SPOCK3: variants seen among roughly 807,000 people sequenced by gnomAD.
SPOCK3 encodes SPARC (osteonectin), cwcv and kazal like domains proteoglycan 3.
Under a neutral mutation model 56.6 loss-of-function variants are expected in SPOCK3, and 30 were observed. The ratio of observed to expected loss-of-function variants is 0.53; its 90% confidence interval spans 0.40 to 0.72. The LOEUF is 0.72. SPOCK3 is among the 30% of genes least tolerant of loss of function. The pLI is 0.00. For synonymous variants in SPOCK3, 196 were observed against 183.3 expected, an observed-to-expected ratio of 1.07 and a Z score of -0.56; for missense variants, 527 against 530.0, an observed-to-expected ratio of 0.99 and a Z score of 0.06.
chr4:166,918,674 G>A (rs1169131893), intron 4 of SPOCK3, among the ~76,000 whole-genome samples: 3 of 152,068 alleles, frequency 2.0e-5, no homozygotes, highest in African/African-American at 7.2e-5. Context: ...AATACAGTGG[G>A]AGAAGTAATT....
At chr4:167,114,921 G>GA (rs150529121) in intron 2 of SPOCK3, among the ~76,000 whole-genome samples, 13,498 of 148,078 alleles carry the variant, frequency 0.091, 711 homozygotes, top group African/African-American at 0.15. Flanking sequence ...AGGACTAAGA[G>GA]AAAAAAAAAC....
Position 166,749,115 on chromosome 4 carries a change from G to C in SPOCK3, c.931+5393C>G, listed in dbSNP as rs1004734578. ...AGACATAGAACTAGAAATACCATTT[G>C]ACCCAGCCATCCCATTACTGGGTAT... On this transcript the variant is annotated intron_variant, in intron 8 of 10. Coordinates refer to ENST00000357545, the MANE Select transcript of SPOCK3 (RefSeq NM_001040159.2). Among the ~76,000 whole-genome samples the C allele has an allele frequency of 8.8e-5, 12 of 137,048 alleles. 1 individual carries two copies. Among genetic ancestry groups the C allele is most frequent in the Non-Finnish European group, 1.5e-4 (10 of 64,766 alleles). The allele number at this position is 137,048 out of a possible 152,430, so 89.9% of individuals were successfully genotyped here.
In SPOCK3 at chr4:166,863,614, CA is replaced by C. The variant is rs1224461088; in HGVS notation, c.589+25515del. ...GAATATTTACCAAGCAAATGGAAAGCAAAAAAAAAGCAGGGGTTGCAATCCT... is the reference window on the plus strand; with the variant it reads ...GAATATTTACCAAGCAAATGGAAAGCAAAAAAAAGCAGGGGTTGCAATCCT... On this transcript the variant is annotated intron_variant, in intron 6 of 10. Transcript: ENST00000357545. Among the ~76,000 whole-genome samples the C allele has an allele frequency of 4.0e-5, 6 of 148,932 alleles. 1 individual carries two copies. In the South Asian group the frequency reaches 6.4e-4, roughly 16 times the overall value.
chr4:167,104,298 C>A (rs1759909371), intron 2 of SPOCK3, among the ~76,000 whole-genome samples: 1 of 152,072 alleles, frequency 6.6e-6, no homozygotes, highest in African/African-American at 2.4e-5. Flanking sequence ...ACAGAGAAAT[C>A]AAAATAGCTC....
intron 2 of SPOCK3, among the ~76,000 whole-genome samples, chr4:167,073,574 T>C (rs1756897119): frequency 6.6e-6 from 1 of 151,862 alleles, no homozygotes; most frequent in Admixed American, 6.6e-5. Flanking sequence ...TAACTGAACT[T>C]TAATTATTTC....
chr4:167,205,279 T>A (rs1345422525), intron 2 of SPOCK3, among the ~76,000 whole-genome samples: 1 of 65,866 alleles, frequency 1.5e-5, no homozygotes, highest in East Asian at 4.0e-4. Flanking sequence ...TAATATATAT[T>A]ATATATATTT....
At chr4:166,805,425 C>G (rs997860642) in intron 6 of SPOCK3, among the ~76,000 whole-genome samples, 1 of 151,878 alleles carries the variant, frequency 6.6e-6, no homozygotes, top group Non-Finnish European at 1.5e-5. Context: ...GTCACATATA[C>G]CTACAATGTG....
chr4:167,090,220 C>G (rs1419809490), intron 2 of SPOCK3, among the ~76,000 whole-genome samples: 3 of 152,072 alleles, frequency 2.0e-5, no homozygotes, highest in African/African-American at 7.2e-5. Flanking sequence ...ATTGGTTGTA[C>G]CATTTTACAT....
chr4:166,930,379 T>C (rs1250971702), intron 4 of SPOCK3, among the ~76,000 whole-genome samples: 1 of 152,070 alleles, frequency 6.6e-6, no homozygotes, highest in Non-Finnish European at 1.5e-5. Flanking sequence ...ATTTTAATCA[T>C]CATTGATTAT....
At chr4:167,194,531 C>T (rs1266730333) in intron 2 of SPOCK3, among the ~76,000 whole-genome samples, 1 of 152,308 alleles carries the variant, frequency 6.6e-6, no homozygotes, top group African/African-American at 2.4e-5. Context: ...TCACTGGTGT[C>T]TGTGCATCTG....
At position 166,735,024 on chromosome 4, in the gene SPOCK3, T is replaced by A. The variant is rs1466035578; in HGVS notation, c.1199A>T (p.Asp400Val). The change falls in exon 11 of 11, where the codon GAT (aspartate) becomes GTT (valine). Residue 400 changes from aspartate to valine, a missense_variant. Physicochemically the swap from Asp to Val is radical, Grantham distance 152. Transcript: ENST00000357545. ...ATCATTCATAATATCGTCTTCATCA[T>A]CCTCATCATCAGTCCATTCATGAAA... The part of the protein sequence containing the change: ...GDFHEWTDDE[D>V]DEDDIMNDED... 1.3e-6 allele frequency: 2 copies of A among 1,581,196 alleles called. No homozygotes were observed. The highest frequency in any genetic ancestry group is 3.4e-5 in the Admixed American group (2 of 59,632).
At chr4:167,160,600 A>T (rs866487508) in intron 2 of SPOCK3, among the ~76,000 whole-genome samples, 20 of 152,152 alleles carry the variant, frequency 1.3e-4, no homozygotes, top group Admixed American at 9.8e-4. Flanking sequence ...CTAAGCCAAA[A>T]GAACAAAGCT....
chr4:166,868,409 T>C (rs1234613851), intron 6 of SPOCK3, among the ~76,000 whole-genome samples: 1 of 151,930 alleles, frequency 6.6e-6, no homozygotes, highest in African/African-American at 2.4e-5. Flanking sequence ...TGGTGAGGTA[T>C]GGTTTATGAT....
intron 2 of SPOCK3, among the ~76,000 whole-genome samples, chr4:167,194,235 T>G (rs1408520459): frequency 6.9e-6 from 1 of 144,290 alleles, no homozygotes; most frequent in African/African-American, 2.7e-5. Context: ...ATTTTTCAAT[T>G]CTAGAATTTA....
At chr4:166,953,115 A>C (rs1238747726) in intron 4 of SPOCK3, among the ~76,000 whole-genome samples, 3 of 151,810 alleles carry the variant, frequency 2.0e-5, no homozygotes, top group Non-Finnish European at 4.4e-5. Flanking sequence ...GCTTCTGCAC[A>C]GCAAAAGAAA....
intron 6 of SPOCK3, among the ~76,000 whole-genome samples, chr4:166,863,925 C>A (rs367693157): frequency 6.6e-6 from 1 of 151,980 alleles, no homozygotes. Flanking sequence ...CAGCTCTGGA[C>A]CAAGCAGAAC....
chr4:167,175,783 G>A (rs955007494), intron 2 of SPOCK3, among the ~76,000 whole-genome samples: 1 of 152,050 alleles, frequency 6.6e-6, no homozygotes, highest in South Asian at 2.1e-4. Context: ...TCAGAACTGT[G>A]AGAAAATAGA....
At chr4:167,067,760 C>A (rs891651749) in intron 2 of SPOCK3, among the ~76,000 whole-genome samples, 2 of 151,754 alleles carry the variant, frequency 1.3e-5, no homozygotes, top group Non-Finnish European at 2.9e-5. Flanking sequence ...TAGCAATATT[C>A]TCCCTTAAAG....
At chr4:166,823,497 C>T (rs1481920217) in intron 6 of SPOCK3, among the ~76,000 whole-genome samples, 1 of 152,004 alleles carries the variant, frequency 6.6e-6, no homozygotes, top group Non-Finnish European at 1.5e-5. Context: ...TGACATAAGT[C>T]ATTTTATAAT....
Sources: gnomAD v4.1 joint callset for allele counts (sites outside exome capture counted in the v4.1 genomes callset) on GRCh38, gnomAD v4.1.1 for gene constraint, MANE v1.5 for transcripts, NCBI Gene and HGNC (gene_info 2026-07-23, HGNC 2026-07-21) for gene names.